Variants in DCC observed in about 807,000 individuals in gnomAD.
DCC encodes netrin receptor DCC.
DCC carries 58 observed loss-of-function variants against 172.5 expected under a neutral mutation model. The ratio of observed to expected loss-of-function variants is 0.34; its 90% CI spans 0.27 to 0.42. DCC has a LOEUF of 0.42. Among genes scored for constraint, DCC ranks in the 10% least tolerant of loss-of-function variants. The probability of loss-of-function intolerance (pLI) is 1.00; values close to 1 mark genes in which losing one functional copy is unlikely to be tolerated. For synonymous variants in DCC, 709 were observed against 644.5 expected (o/e 1.10, Z -1.52); for missense variants, 1,740 against 1,791.0 (o/e 0.97, Z 0.51).
intron 2 of DCC, among the ~76,000 whole-genome samples, chr18:52,864,704 C>T (rs1183075897): frequency 6.6e-6 from 1 of 151,630 alleles, no homozygotes; most frequent in Admixed American, 6.6e-5. Flanking sequence ...CCCCAACAGG[C>T]CCCAGTGTGT....
intron 1 of DCC, among the ~76,000 whole-genome samples, chr18:52,557,260 C>A (rs927678045): frequency 2.0e-5 from 3 of 152,124 alleles, no homozygotes; most frequent in Non-Finnish European, 4.4e-5. Flanking sequence ...AAAAGGATAG[C>A]GCCTAGGGTT....
At chr18:53,167,226 C>T (rs1214857056) in intron 8 of DCC, among the ~76,000 whole-genome samples, 1 of 152,132 alleles carries the variant, frequency 6.6e-6, no homozygotes, top group Non-Finnish European at 1.5e-5. Context: ...TATGTATTTA[C>T]TAAAAATGCA....
In DCC at chr18:52,786,434, C is replaced by T. The variant is rs9956873; in HGVS notation, c.412+34060C>T. 5.1e-3 allele frequency among the ~76,000 whole-genome samples: 777 copies of T among 152,016 alleles called. 6 individuals are homozygous for T. Among genetic ancestry groups the T allele is most frequent in the African/African-American group, 0.017 (714 of 41,456 alleles). The stretch of plus-strand genomic sequence containing the variant: ...ATGTATGATATGCTTTGGAGCATAA[C>T]TTTTATCTCTCCAGTCCTCATTTTT... On this transcript the variant is annotated intron_variant, in intron 2 of 28. Coordinates refer to ENST00000442544, the MANE Select transcript of DCC (RefSeq NM_005215.4).
chr18:53,467,234 CA>C (rs2045633201), intron 24 of DCC, among the ~76,000 whole-genome samples: 1 of 151,954 alleles, frequency 6.6e-6, no homozygotes, highest in Non-Finnish European at 1.5e-5. Flanking sequence ...GCATACTACA[CA>C]AATGGGAACA....
At chr18:52,367,608 CTTCTT>C in intron 1 of DCC, among the ~76,000 whole-genome samples, 1 of 152,162 alleles carries the variant, frequency 6.6e-6, no homozygotes, top group Non-Finnish European at 1.5e-5. Flanking sequence ...CAGAGCCAAT[CTTCTT>C]TTCTTGTCTC....
At chr18:53,182,262 G>A (rs537096626) in intron 9 of DCC, among the ~76,000 whole-genome samples, 1 of 152,252 alleles carries the variant, frequency 6.6e-6, no homozygotes, top group African/African-American at 2.4e-5. Flanking sequence ...TTCATTAATG[G>A]CAGCAATAAC....
At chr18:53,459,169 T>C in intron 23 of DCC, 63 bp from the exon 24 acceptor site, 1 of 1,288,118 alleles carries the variant, frequency 7.8e-7, no homozygotes. Flanking sequence ...AATTGACTGA[T>C]GAAAGAAAGG....
intron 1 of DCC, among the ~76,000 whole-genome samples, chr18:52,746,844 A>T (rs1052790298): frequency 1.3e-5 from 2 of 151,906 alleles, no homozygotes; most frequent in Non-Finnish European, 2.9e-5. Context: ...GCCTTCTTTT[A>T]TATCCTCATC....
intron 1 of DCC, among the ~76,000 whole-genome samples, chr18:52,412,001 C>A (rs1168250582): frequency 1.3e-5 from 2 of 152,036 alleles, no homozygotes; most frequent in African/African-American, 4.8e-5. Context: ...AAATTTTATC[C>A]ACATTTCAAG....
intron 2 of DCC, among the ~76,000 whole-genome samples, chr18:52,871,462 C>T (rs577886142): frequency 1.4e-4 from 21 of 152,206 alleles, no homozygotes; most frequent in Non-Finnish European, 2.6e-4. Flanking sequence ...GGCTACCCCT[C>T]TTTTTTTCCT....
At chr18:52,499,971 C>T (rs182841383) in intron 1 of DCC, among the ~76,000 whole-genome samples, 67 of 152,210 alleles carry the variant, frequency 4.4e-4, no homozygotes, top group African/African-American at 1.5e-3. Flanking sequence ...CTTTGCAGGC[C>T]GTTGGCTGAA....
At chr18:53,127,159 A>T (rs1369568445) in intron 7 of DCC, among the ~76,000 whole-genome samples, 18 of 146,070 alleles carry the variant, frequency 1.2e-4, no homozygotes, top group East Asian at 4.0e-4. Flanking sequence ...TTTCATTTAA[A>T]TTTTTTTTTC....
chr18:52,905,849 T>A (rs1259514680), intron 2 of DCC, among the ~76,000 whole-genome samples, 195 bp from the exon 3 acceptor site: 1 of 152,226 alleles, frequency 6.6e-6, no homozygotes, highest in Non-Finnish European at 1.5e-5. Flanking sequence ...AACATCTTCA[T>A]TACTTTTTAG....
intron 1 of DCC, among the ~76,000 whole-genome samples, chr18:52,679,788 C>T (rs2144987831): frequency 6.6e-6 from 1 of 152,200 alleles, no homozygotes; most frequent in East Asian, 1.9e-4. Context: ...TAAATCAAAA[C>T]TTTGTTGTCC....
chr18:52,912,670 C>T (rs751262391), intron 3 of DCC, among the ~76,000 whole-genome samples: 2 of 152,010 alleles, frequency 1.3e-5, no homozygotes, highest in African/African-American at 2.4e-5. Flanking sequence ...GATAAATAAG[C>T]TTGATAGTGT....
chr18:52,482,847 G>A (rs59876999), intron 1 of DCC, among the ~76,000 whole-genome samples: 8,714 of 151,996 alleles, frequency 0.057, 309 homozygotes, highest in South Asian at 0.12. Context: ...TACCCCTTTC[G>A]TATGTTGGAT....
At chr18:53,410,310 C>T (rs1038789169) in intron 19 of DCC, 142 bp from the exon 20 acceptor site, 2 of 647,440 alleles carry the variant, frequency 3.1e-6, no homozygotes, top group Non-Finnish European at 5.6e-6. Flanking sequence ...GAAAAAAAGA[C>T]ATTACTTACA....
At chr18:52,753,341 G>A (rs1366533444) in intron 2 of DCC, among the ~76,000 whole-genome samples, 2 of 152,168 alleles carry the variant, frequency 1.3e-5, no homozygotes, top group African/African-American at 4.8e-5. Context: ...TTAGAAAACA[G>A]TCATAGGACC....
At chr18:53,281,036 T>G (rs962732066) in intron 12 of DCC, among the ~76,000 whole-genome samples, 1 of 152,148 alleles carries the variant, frequency 6.6e-6, no homozygotes, top group Non-Finnish European at 1.5e-5. Flanking sequence ...CAAAATGTTA[T>G]GAATTCTTTT....
Sources: allele counts gnomAD v4.1 joint callset (sites outside exome capture counted in the v4.1 genomes callset), GRCh38; gene constraint gnomAD v4.1.1; transcripts MANE v1.5; gene names NCBI Gene and HGNC (gene_info 2026-07-23, HGNC 2026-07-21).